Variants in ST7 observed in about 807,000 individuals in gnomAD.
The protein encoded by ST7 is suppression of tumorigenicity 7.
In ST7, 28 loss-of-function variants were observed where a neutral mutation model predicts 78.7. The observed-to-expected ratio is 0.36, with a 90% CI of 0.26 to 0.49. The LOEUF (loss-of-function observed/expected upper bound fraction) is 0.49, where lower values mean the gene tolerates loss of function less well. ST7 is among the 20% of genes least tolerant of loss of function. The pLI is 0.99. For synonymous variants in ST7, 247 were observed against 249.6 expected (o/e 0.99, Z 0.10); for missense variants, 418 against 696.0 (o/e 0.60, Z 4.49).
intron 13 of ST7, 134 bp downstream of exon 13, chr7:117,210,071 A>T: frequency 9.3e-7 from 1 of 1,070,682 alleles, no homozygotes; most frequent in Non-Finnish European, 1.3e-6. Context: ...CATCTAAGCC[A>T]GTTAGTGACT....
At chr7:117,157,426 T>C (rs898279614) in intron 9 of ST7, among the ~76,000 whole-genome samples, 4 of 152,112 alleles carry the variant, frequency 2.6e-5, no homozygotes, top group African/African-American at 9.7e-5. Flanking sequence ...GCAAAGAGAA[T>C]GTTAGAAGGC....
chr7:117,038,448 A>G (rs1248247579), intron 1 of ST7, among the ~76,000 whole-genome samples: 1 of 152,170 alleles, frequency 6.6e-6, no homozygotes, highest in Non-Finnish European at 1.5e-5. Context: ...AAAAGGAAGG[A>G]AGAAGAAAAA....
At chr7:116,988,415 A>G (rs1794277145) in intron 1 of ST7, among the ~76,000 whole-genome samples, 1 of 152,216 alleles carries the variant, frequency 6.6e-6, no homozygotes, top group Non-Finnish European at 1.5e-5. Context: ...CTTGAAGCCA[A>G]TATTTTAGCA....
At chr7:117,090,600 A>G (rs1489478668) in intron 1 of ST7, 2 of 155,684 alleles carry the variant, frequency 1.3e-5, no homozygotes, top group Admixed American at 1.3e-4. Flanking sequence ...TTGTGTACAA[A>G]TAGACATTTA....
intron 2 of ST7, among the ~76,000 whole-genome samples, chr7:117,109,272 A>G (rs964701122): frequency 6.6e-6 from 1 of 152,166 alleles, no homozygotes; most frequent in Non-Finnish European, 1.5e-5. Context: ...TGTCCCTTCT[A>G]TGCCAATTCT....
At chr7:117,021,819 A>G (rs1795929308) in intron 1 of ST7, among the ~76,000 whole-genome samples, 1 of 152,216 alleles carries the variant, frequency 6.6e-6, no homozygotes, top group African/African-American at 2.4e-5. Context: ...TGACAGTATT[A>G]TTTCCTAATA....
rs58892731 is a variant in ST7, at chr7:117,152,177, CTATATATATATATA to C, written c.963+13678_963+13691del. Among the ~76,000 whole-genome samples the C allele has an allele frequency of 3.7e-3, 246 of 66,838 alleles. 2 individuals carry two copies. The highest frequency in any genetic ancestry group is 0.019 in the East Asian group (23 of 1,236). 43.8% of individuals were successfully genotyped at this position (66,838 alleles called of 152,430 possible). A position where few individuals can be genotyped will look rare whatever the true frequency, so the allele number is the denominator to read the frequency against. Reference sequence around the variant, plus strand: ...AATATATGTATTATATATATAAAAACTATATATATATATATATATATATATATATATATATATAT... The same window carrying C: ...AATATATGTATTATATATATAAAAACTATATATATATATATATATATATAT... On this transcript the variant is annotated intron_variant, in intron 9 of 15. Coordinates refer to ENST00000323984, the MANE Select transcript of ST7 (RefSeq NM_001369598.1).
intron 3 of ST7, among the ~76,000 whole-genome samples, chr7:117,125,738 CT>C (rs1015191299): frequency 9.9e-5 from 15 of 152,176 alleles, no homozygotes; most frequent in Admixed American, 9.8e-4. Context: ...GCACCCTTTT[CT>C]GTTGTACTTT....
intron 1 of ST7, among the ~76,000 whole-genome samples, chr7:117,041,265 G>A (rs1023757463): frequency 3.9e-5 from 6 of 152,172 alleles, no homozygotes; most frequent in Non-Finnish European, 8.8e-5. Flanking sequence ...TCTAGTAGAT[G>A]AGCAAGCAGA....
intron 12 of ST7, among the ~76,000 whole-genome samples, chr7:117,207,203 G>A (rs1389405698): frequency 6.6e-6 from 1 of 151,250 alleles, no homozygotes; most frequent in Non-Finnish European, 1.5e-5. Context: ...GGAGTGCAGT[G>A]GCGCTATCTT....
At chr7:117,122,137 A>G (rs1396292511) in intron 3 of ST7, among the ~76,000 whole-genome samples, 2 of 152,194 alleles carry the variant, frequency 1.3e-5, no homozygotes, top group Non-Finnish European at 2.9e-5. Flanking sequence ...AATAAGGGAA[A>G]AGGGAGACTT....
chr7:117,053,356 G>A (rs1046700216), intron 1 of ST7, among the ~76,000 whole-genome samples: 2 of 152,172 alleles, frequency 1.3e-5, no homozygotes, highest in East Asian at 1.9e-4. Context: ...CGATGCTCTC[G>A]AAGGTGCCAG....
chr7:117,015,310 G>C (rs534515702), intron 1 of ST7, among the ~76,000 whole-genome samples: 6 of 152,200 alleles, frequency 3.9e-5, no homozygotes, highest in Non-Finnish European at 8.8e-5. Context: ...TCTTAGGCCA[G>C]AGGATTTAAA....
At chr7:117,066,296 T>C (rs1798626569) in intron 1 of ST7, among the ~76,000 whole-genome samples, 1 of 152,194 alleles carries the variant, frequency 6.6e-6, no homozygotes, top group African/African-American at 2.4e-5. Context: ...TCAACAAAAC[T>C]ATAAACTCTG....
chr7:116,993,503 C>T (rs747743365), intron 1 of ST7, among the ~76,000 whole-genome samples: 12 of 152,150 alleles, frequency 7.9e-5, no homozygotes, highest in East Asian at 1.9e-4. Flanking sequence ...TCCCACAACA[C>T]GTGGGGATTA....
intron 12 of ST7, among the ~76,000 whole-genome samples, chr7:117,196,762 T>C (rs577257927): frequency 4.6e-5 from 7 of 152,122 alleles, no homozygotes; most frequent in African/African-American, 1.7e-4. Context: ...CTCTGTTGAT[T>C]GTTTTCTTTG....
At chr7:117,015,147 A>G (rs922731746) in intron 1 of ST7, 1 of 439,200 alleles carries the variant, frequency 2.3e-6, no homozygotes, top group Non-Finnish European at 3.6e-6. Context: ...ATTCCTGAGT[A>G]TTGTATGAAT....
intron 1 of ST7, among the ~76,000 whole-genome samples, chr7:117,019,304 A>G (rs1486233834): frequency 6.6e-6 from 1 of 152,212 alleles, no homozygotes; most frequent in Non-Finnish European, 1.5e-5. Context: ...TGGATAGCTA[A>G]TGAAAGTTCA....
chr7:117,187,700 T>G (rs753503082), intron 10 of ST7: 11 of 152,190 alleles, frequency 7.2e-5, no homozygotes, highest in Non-Finnish European at 1.5e-4. Flanking sequence ...AGAGGCTCCT[T>G]CTTGTGCTGC....
Sources: gnomAD v4.1 joint callset for allele counts (sites outside exome capture counted in the v4.1 genomes callset) on GRCh38, gnomAD v4.1.1 for gene constraint, MANE v1.5 for transcripts, NCBI Gene and HGNC (gene_info 2026-07-23, HGNC 2026-07-21) for gene names.